The following NPHP1 variants were observed in gnomAD, a reference collection of about 807,000 sequenced individuals.
NPHP1 encodes nephrocystin 1, also known as nephrocystin-1.
NPHP1 carries 70 observed loss-of-function variants against 90.4 expected under a neutral mutation model. The ratio of observed to expected loss-of-function variants is 0.77; its 90% CI spans 0.64 to 0.95. NPHP1 has a LOEUF of 0.95. NPHP1 is among the 40% of genes least tolerant of loss of function. NPHP1 has a pLI of 0.00. For missense variants in NPHP1, 764 were observed against 795.9 expected, an observed-to-expected ratio of 0.96 and a Z score of 0.48; for synonymous variants, 256 against 271.7, an observed-to-expected ratio of 0.94 and a Z score of 0.57.
chr2:110,183,088 A>G (rs1353041367), intron 2 of NPHP1, among the ~76,000 whole-genome samples: 2 of 152,210 alleles, frequency 1.3e-5, no homozygotes, highest in East Asian at 3.8e-4. Flanking sequence ...TTCAACAAGA[A>G]GAGCTATCCT....
At chr2:110,197,009 C>G (rs926772137) in intron 2 of NPHP1, among the ~76,000 whole-genome samples, 1 of 152,116 alleles carries the variant, frequency 6.6e-6, no homozygotes, top group Non-Finnish European at 1.5e-5. Flanking sequence ...AGTCATTATC[C>G]TCAGCAAACT....
chr2:110,137,387 A>G (rs371141989), intron 16 of NPHP1, among the ~76,000 whole-genome samples: 2 of 152,108 alleles, frequency 1.3e-5, no homozygotes, highest in East Asian at 1.9e-4. Context: ...GTGAACAGGC[A>G]ACCTACAGAA....
Position 110,129,347 on chromosome 2 carries a change from T to C in NPHP1, c.1643-88A>G, listed in dbSNP as rs1679614531. 4.1e-6 allele frequency: 4 copies of C among 969,540 alleles called. No individual in the cohort carries two copies. In the East Asian group the frequency reaches 1.0e-4, roughly 24 times the overall value. 60.1% of individuals were successfully genotyped at this position (969,540 alleles called of 1,614,324 possible). ...AGACACAAAAATATTCAGATGAAAA[T>C]TATTGTGCCAAATGATTTGTTGATA... On this transcript the variant is annotated intron_variant, in intron 17 of 19. Transcript: ENST00000445609.
chr2:110,146,823 T>A lies in NPHP1; in HGVS notation c.1282A>T (p.Arg428Ter). Residue 428 changes from arginine to a stop codon, truncating the protein, a stop_gained, in exon 14 of 20, where the codon AGA becomes TGA. Transcript: ENST00000445609. LOFTEE classifies it high-confidence loss of function. The stretch of plus-strand genomic sequence containing the variant: ...ACCCAGCCACAGCTTAACTCTCCTC[T>A]TTCACCAGTTGACTAGGAAATAAGA... Reference protein sequence around the residue: ...ISYIRNSTGERGELSCGWVFL... With the variant: ...ISYIRNSTGE 6.2e-7 allele frequency: 1 copy of A among 1,612,690 alleles called. No homozygotes were observed. The highest frequency in any genetic ancestry group is 1.1e-5 in the South Asian group (1 of 91,054).
chr2:110,189,359 G>A (rs1377246776), intron 2 of NPHP1, among the ~76,000 whole-genome samples: 3 of 152,026 alleles, frequency 2.0e-5, no homozygotes, highest in Admixed American at 6.5e-5. Context: ...TCGTGGTCTC[G>A]CTGGCTCAGG....
rs1368762718 is a variant in NPHP1 at position 110,123,599 on chromosome 2, A to G, written c.*192T>C. ...TAGATATAACAGTATTCCTTATAAA[A>G]ATTTATTTTATGGTTTTAAAAAATA... On this transcript the variant is annotated 3_prime_UTR_variant, in exon 20 of 20. Transcript: ENST00000445609. 1 of 578,532 alleles carries G rather than the reference A, an allele frequency of 1.7e-6. No individual in the cohort carries two copies. Among genetic ancestry groups the G allele is most frequent in the Non-Finnish European group, 3.0e-6 (1 of 338,910 alleles). The allele number at this position is 578,532 out of a possible 1,614,324, so 35.8% of individuals were successfully genotyped here.
At chr2:110,177,179 A>G (rs963454252) in intron 4 of NPHP1, among the ~76,000 whole-genome samples, 1 of 152,156 alleles carries the variant, frequency 6.6e-6, no homozygotes, top group Admixed American at 6.5e-5. Context: ...GTAGATGCTC[A>G]GTGGCTTCAA....
intron 2 of NPHP1, chr2:110,184,865 A>G (rs533070620): frequency 2.5e-4 from 172 of 699,742 alleles, no homozygotes; most frequent in Non-Finnish European, 3.9e-4. Context: ...GCTGCTCTTC[A>G]GGCCAGACTT....
intron 14 of NPHP1, among the ~76,000 whole-genome samples, chr2:110,144,890 GA>G (rs917805848): frequency 4.0e-5 from 6 of 151,834 alleles, no homozygotes; most frequent in Non-Finnish European, 7.4e-5. Flanking sequence ...AATGACAAGT[GA>G]TTTTTTTTAA....
At chr2:110,157,701 T>A (rs1445346578) in intron 11 of NPHP1, among the ~76,000 whole-genome samples, 1 of 152,092 alleles carries the variant, frequency 6.6e-6, no homozygotes, top group Non-Finnish European at 1.5e-5. Flanking sequence ...CTCCCAGATA[T>A]CTCTATCCAC....
At chr2:110,184,442 C>G in intron 2 of NPHP1, 1 of 691,020 alleles carries the variant, frequency 1.4e-6, no homozygotes, top group Non-Finnish European at 2.5e-6. Context: ...ACGTTTTCTT[C>G]AAGAGCTTCA....
intron 2 of NPHP1, among the ~76,000 whole-genome samples, chr2:110,190,324 C>CA (rs1684623030): frequency 6.6e-6 from 1 of 152,178 alleles, no homozygotes; most frequent in Admixed American, 6.5e-5. Flanking sequence ...CAGGAGCCCA[C>CA]AGAGGGCGGG....
chr2:110,141,989 A>AAT (rs1680679196), intron 16 of NPHP1, among the ~76,000 whole-genome samples: 1 of 150,350 alleles, frequency 6.7e-6, no homozygotes, highest in Non-Finnish European at 1.5e-5. Flanking sequence ...AAAAAAAAAA[A>AAT]GAAAGAAAAA....
chr2:110,131,636 A>G (rs1388156102), intron 17 of NPHP1, 43 bp downstream of exon 17: 7 of 1,118,510 alleles, frequency 6.3e-6, no homozygotes, highest in Non-Finnish European at 9.6e-6. Flanking sequence ...TACTCAGAGT[A>G]TGAAGCATTA....
At chr2:110,168,299 A>T (rs1682853942) in intron 6 of NPHP1, among the ~76,000 whole-genome samples, 153 bp downstream of exon 6, 1 of 152,080 alleles carries the variant, frequency 6.6e-6, no homozygotes, top group Admixed American at 6.6e-5. Context: ...TTAATACACA[A>T]TGTTTTTCCC....
chr2:110,146,716 G>C (rs1681076652), intron 14 of NPHP1, 37 bp downstream of exon 14: 1 of 1,416,532 alleles, frequency 7.1e-7, no homozygotes, highest in Non-Finnish European at 1.0e-6. Flanking sequence ...AATTTTTACA[G>C]AAGTATTCAT....
chr2:110,184,748 T>A, intron 2 of NPHP1: 1 of 716,754 alleles, frequency 1.4e-6, no homozygotes. Context: ...CTCCTACCTA[T>A]CCATAAACCC....
intron 2 of NPHP1, among the ~76,000 whole-genome samples, chr2:110,195,284 T>A (rs1204004056): frequency 6.6e-6 from 1 of 152,188 alleles, no homozygotes; most frequent in African/African-American, 2.4e-5. Flanking sequence ...ATAATCTCCT[T>A]AAGCTGATAG....
At chr2:110,168,088 T>C (rs1412567775) in intron 6 of NPHP1, among the ~76,000 whole-genome samples, 5 of 152,162 alleles carry the variant, frequency 3.3e-5, no homozygotes, top group African/African-American at 1.2e-4. Context: ...CAAACACACA[T>C]GTATAGTATG....
Sources: gnomAD v4.1 joint callset for allele counts (sites outside exome capture counted in the v4.1 genomes callset) on GRCh38, gnomAD v4.1.1 for gene constraint, MANE v1.5 for transcripts, NCBI Gene and HGNC (gene_info 2026-07-23, HGNC 2026-07-21) for gene names.